The following PCBP3 variants were observed in gnomAD, a reference collection of about 807,000 sequenced individuals.
The protein encoded by PCBP3 is poly(rC)-binding protein 3.
PCBP3 carries 25 observed loss-of-function variants against 52.7 expected under a neutral mutation model. The observed-to-expected ratio is 0.47, with a 90% CI of 0.35 to 0.66. The LOEUF (loss-of-function observed/expected upper bound fraction) is 0.66, where lower values mean the gene tolerates loss of function less well. Ranked by LOEUF, PCBP3 falls within the 30% of genes least tolerant of loss-of-function variation. The probability of loss-of-function intolerance (pLI) is 0.01; values close to 1 mark genes in which losing one functional copy is unlikely to be tolerated. For missense variants in PCBP3, 391 were observed against 490.3 expected (o/e 0.80, Z 1.91); for synonymous variants, 162 against 183.0 (o/e 0.89, Z 0.93).
intron 2 of PCBP3, among the ~76,000 whole-genome samples, chr21:45,693,216 A>G (rs1352505337): frequency 6.6e-6 from 1 of 152,188 alleles, no homozygotes; most frequent in Non-Finnish European, 1.5e-5. Flanking sequence ...ACCTCCTAAG[A>G]CTACCAACAA....
At chr21:45,765,270 C>T (rs2089197511) in intron 4 of PCBP3, among the ~76,000 whole-genome samples, 1 of 152,068 alleles carries the variant, frequency 6.6e-6, no homozygotes, top group Admixed American at 6.5e-5. Context: ...GAGAGGGTGG[C>T]CAGGCTGGGG....
chr21:45,884,907 G>A (rs1272084978), intron 5 of PCBP3, among the ~76,000 whole-genome samples: 2 of 152,092 alleles, frequency 1.3e-5, no homozygotes, highest in Non-Finnish European at 2.9e-5. Context: ...TAAGCATTCT[G>A]TACATATCAG....
At chr21:45,770,015 G>A (rs1458386680) in intron 4 of PCBP3, among the ~76,000 whole-genome samples, 1 of 152,200 alleles carries the variant, frequency 6.6e-6, no homozygotes, top group African/African-American at 2.4e-5. Context: ...ACAGTGGGCC[G>A]TGGAGATGGT....
At chr21:45,858,338 G>A (rs1250626749) in intron 5 of PCBP3, 2 of 152,274 alleles carry the variant, frequency 1.3e-5, no homozygotes, top group African/African-American at 2.4e-5. Context: ...CCCATAAGGT[G>A]AAGTAAACCT....
intron 2 of PCBP3, chr21:45,673,441 G>A (rs1004126540): frequency 3.9e-5 from 6 of 152,156 alleles, no homozygotes; most frequent in Non-Finnish European, 7.4e-5. Context: ...AATAAAATGA[G>A]ATATAAAGAT....
At chr21:45,719,114 A>G (rs932624593) in intron 2 of PCBP3, among the ~76,000 whole-genome samples, 2 of 152,148 alleles carry the variant, frequency 1.3e-5, no homozygotes, top group African/African-American at 4.8e-5. Flanking sequence ...GCCTGGCTGA[A>G]TTCGGGGAAC....
At chr21:45,934,284 C>T (rs1461187052) in intron 15 of PCBP3, among the ~76,000 whole-genome samples, 1 of 152,094 alleles carries the variant, frequency 6.6e-6, no homozygotes, top group Non-Finnish European at 1.5e-5. Flanking sequence ...GTTAGACTTG[C>T]AGGTTGGAGC....
At chr21:45,816,845 G>A (rs1160714248) in intron 4 of PCBP3, among the ~76,000 whole-genome samples, 1 of 151,878 alleles carries the variant, frequency 6.6e-6, no homozygotes, top group East Asian at 1.9e-4. Flanking sequence ...ATCATCGTCA[G>A]GTATTACTAT....
At chr21:45,922,312 G>C (rs1489830770) in intron 13 of PCBP3, among the ~76,000 whole-genome samples, 1 of 152,200 alleles carries the variant, frequency 6.6e-6, no homozygotes, top group Admixed American at 6.5e-5. Flanking sequence ...CCAGCACTTT[G>C]AGAGGCCAAG....
intron 1 of PCBP3, among the ~76,000 whole-genome samples, chr21:45,651,293 C>T (rs1038619571): frequency 7.2e-5 from 11 of 152,090 alleles, no homozygotes; most frequent in Admixed American, 3.9e-4. Flanking sequence ...AGGTAACCAG[C>T]TTATTATTTA....
intron 1 of PCBP3, among the ~76,000 whole-genome samples, chr21:45,649,649 C>A (rs2079550461): frequency 6.6e-6 from 1 of 152,098 alleles, no homozygotes; most frequent in Non-Finnish European, 1.5e-5. Flanking sequence ...CTCCCTAGTT[C>A]TTAAATCTTT....
chr21:45,725,581 C>T (rs754215423), intron 2 of PCBP3, among the ~76,000 whole-genome samples: 5 of 152,196 alleles, frequency 3.3e-5, no homozygotes, highest in Admixed American at 2.6e-4. Context: ...GTGCTCTTCC[C>T]GGTCTCAGAG....
At chr21:45,703,957 A>G (rs1569134015) in intron 2 of PCBP3, among the ~76,000 whole-genome samples, 1 of 152,160 alleles carries the variant, frequency 6.6e-6, no homozygotes, top group Non-Finnish European at 1.5e-5. Context: ...ACATGTTAGC[A>G]GGGGTTTGGG....
chr21:45,897,194 CAG>C (rs2095856071), intron 6 of PCBP3, among the ~76,000 whole-genome samples: 1 of 152,238 alleles, frequency 6.6e-6, no homozygotes, highest in Admixed American at 6.5e-5. Context: ...TTCCTACAAA[CAG>C]GGACCTTCTC....
chr21:45,711,634 C>T (rs956260088), intron 2 of PCBP3, among the ~76,000 whole-genome samples: 1 of 152,170 alleles, frequency 6.6e-6, no homozygotes. Flanking sequence ...TTCCTTCAAC[C>T]TTAGAGATTC....
At chr21:45,828,937 C>T (rs981811536) in intron 4 of PCBP3, 2 of 152,442 alleles carry the variant, frequency 1.3e-5, no homozygotes, top group Non-Finnish European at 2.9e-5. Flanking sequence ...CAGCTCTGCC[C>T]AACTGGAAGC....
At chr21:45,803,590 G>A (rs1288199427) in intron 4 of PCBP3, among the ~76,000 whole-genome samples, 1 of 152,200 alleles carries the variant, frequency 6.6e-6, no homozygotes, top group Non-Finnish European at 1.5e-5. Context: ...TTCCCATGAA[G>A]TTTAAATGCA....
At chr21:45,939,146 C>G (rs2149594047) in intron 16 of PCBP3, among the ~76,000 whole-genome samples, 1 of 152,372 alleles carries the variant, frequency 6.6e-6, no homozygotes, top group East Asian at 1.9e-4. Context: ...GTGCCCTGTG[C>G]CGGGCACCCT....
At position 45,904,291 on chromosome 21, in the gene PCBP3, C is replaced by G. The variant is rs529164012; in HGVS notation, c.339+3178C>G. On this transcript the variant is annotated intron_variant, in intron 9 of 17. Transcript: ENST00000681687. This position sits in a 1 kb window ranked among gnomAD's most constrained non-coding sequence, Gnocchi z 4.8. Reference sequence around the variant, plus strand: ...GTCTCCAAGCGCGCAGACTGTATGGCCAAGGAAGCTCGAGGGATTCGGACA... The same window carrying G: ...GTCTCCAAGCGCGCAGACTGTATGGGCAAGGAAGCTCGAGGGATTCGGACA... 5.9e-5 allele frequency among the ~76,000 whole-genome samples: 9 copies of G among 152,292 alleles called. No homozygotes were observed. The South Asian group carries it at 1.0e-3, about 18-fold the overall frequency.
Sources: gnomAD v4.1 joint callset for allele counts (sites outside exome capture counted in the v4.1 genomes callset) on GRCh38, gnomAD v4.1.1 for gene constraint, Gnocchi (gnomAD v3.1) non-coding constraint, MANE v1.5 for transcripts, NCBI Gene and HGNC (gene_info 2026-07-23, HGNC 2026-07-21) for gene names.